ZNF804A: variants seen among roughly 807,000 people sequenced by gnomAD.
The protein encoded by ZNF804A is zinc finger protein 804A.
In ZNF804A, 2 loss-of-function variants were observed where a neutral mutation model predicts 16.5. That is an observed-to-expected ratio of 0.12 (90% CI 0.05 to 0.38). The LOEUF (loss-of-function observed/expected upper bound fraction) is 0.38. ZNF804A is among the 10% of genes least tolerant of loss of function. ZNF804A has a pLI of 0.99. For synonymous variants in ZNF804A, 534 were observed against 489.6 expected (o/e 1.09, Z -1.20); for missense variants, 1,473 against 1,390.7 (o/e 1.06, Z -0.94).
intron 1 of ZNF804A, among the ~76,000 whole-genome samples, chr2:184,649,513 T>C: frequency 6.6e-6 from 1 of 152,038 alleles, no homozygotes; most frequent in East Asian, 1.9e-4. Context: ...ATAAACAAGA[T>C]TGATAGACTA....
chr2:184,631,507 G>C (rs977434604), intron 1 of ZNF804A, among the ~76,000 whole-genome samples: 16 of 151,978 alleles, frequency 1.1e-4, no homozygotes, highest in African/African-American at 3.9e-4. Flanking sequence ...TATTTAATTA[G>C]GTTTATTTAA....
intron 1 of ZNF804A, among the ~76,000 whole-genome samples, chr2:184,833,711 T>C (rs945686625): frequency 2.0e-5 from 3 of 152,064 alleles, no homozygotes. Flanking sequence ...AAAGAGGGAA[T>C]GTAATTCTCA....
chr2:184,660,487 C>T (rs1396771935), intron 1 of ZNF804A, among the ~76,000 whole-genome samples: 1 of 152,180 alleles, frequency 6.6e-6, no homozygotes, highest in African/African-American at 2.4e-5. Context: ...ACTTTGCATG[C>T]ACCCCACCAC....
At chr2:184,796,931 G>T (rs1333827942) in intron 1 of ZNF804A, among the ~76,000 whole-genome samples, 1 of 152,034 alleles carries the variant, frequency 6.6e-6, no homozygotes, top group East Asian at 1.9e-4. Flanking sequence ...ATACTTCCAT[G>T]GTTTTGAATA....
intron 1 of ZNF804A, among the ~76,000 whole-genome samples, chr2:184,853,819 T>C (rs1051618737): frequency 7.8e-6 from 1 of 127,532 alleles, no homozygotes; most frequent in African/African-American, 4.1e-5. Context: ...TGAGGATTTT[T>C]CCACCAAAAA....
In ZNF804A at chr2:184,854,747, A is replaced by G. The variant is rs369758039; in HGVS notation, c.112-11622A>G. On this transcript the variant is annotated intron_variant, in intron 1 of 3. Coordinates refer to ENST00000302277, the MANE Select transcript of ZNF804A (RefSeq NM_194250.2). ...TCAACAGAAGTTAATGATAAATAGT[A>G]AAACACTTTATAAAGCTAAAATGAA... Among the ~76,000 whole-genome samples the G allele has an allele frequency of 3.6e-4, 55 of 152,148 alleles. No homozygotes were observed. The Middle Eastern group carries it at 0.01, about 28-fold the overall frequency.
At chr2:184,821,413 C>A (rs562062679) in intron 1 of ZNF804A, among the ~76,000 whole-genome samples, 2 of 151,814 alleles carry the variant, frequency 1.3e-5, no homozygotes, top group Non-Finnish European at 2.9e-5. Context: ...AAAAATTAAC[C>A]CAAGGTGGAT....
intron 1 of ZNF804A, among the ~76,000 whole-genome samples, chr2:184,782,910 C>A (rs964076061): frequency 4.0e-5 from 6 of 150,062 alleles, no homozygotes; most frequent in African/African-American, 1.2e-4. Flanking sequence ...GATAACTATT[C>A]CAGGAGAGTA....
chr2:184,764,305 T>C (rs754138282), intron 1 of ZNF804A, among the ~76,000 whole-genome samples: 1 of 152,180 alleles, frequency 6.6e-6, no homozygotes, highest in Non-Finnish European at 1.5e-5. Flanking sequence ...GATTAGGTGG[T>C]CATTAATTTT....
At chr2:184,790,224 T>A (rs112747796) in intron 1 of ZNF804A, among the ~76,000 whole-genome samples, 3 of 151,888 alleles carry the variant, frequency 2.0e-5, no homozygotes, top group Admixed American at 6.6e-5. Context: ...TGCTTTTTTG[T>A]TTTTTTGTTT....
chr2:184,871,944 A>T (rs1695982589), intron 2 of ZNF804A, among the ~76,000 whole-genome samples: 1 of 152,076 alleles, frequency 6.6e-6, no homozygotes, highest in Non-Finnish European at 1.5e-5. Flanking sequence ...AACAGAATAG[A>T]GCAATCTAGA....
chr2:184,627,870 C>A (rs1363493736), intron 1 of ZNF804A, among the ~76,000 whole-genome samples: 1 of 152,000 alleles, frequency 6.6e-6, no homozygotes, highest in Non-Finnish European at 1.5e-5. Context: ...AATATGGGTG[C>A]CTTGAATTTC....
chr2:184,786,300 G>A (rs1227600358), intron 1 of ZNF804A, among the ~76,000 whole-genome samples: 1 of 150,440 alleles, frequency 6.6e-6, no homozygotes, highest in Non-Finnish European at 1.5e-5. Context: ...GTGTTCTTCT[G>A]TTTTTTCAGC....
intron 1 of ZNF804A, among the ~76,000 whole-genome samples, chr2:184,732,571 G>T (rs1319064671): frequency 2.0e-5 from 3 of 151,944 alleles, no homozygotes; most frequent in East Asian, 3.9e-4. Context: ...AAAATAACTT[G>T]CAGATATTTT....
chr2:184,763,809 A>AT (rs1466385639), intron 1 of ZNF804A, among the ~76,000 whole-genome samples: 6 of 151,080 alleles, frequency 4.0e-5, no homozygotes. Flanking sequence ...CGCCCGGCTA[A>AT]TTTTTTGTAT....
chr2:184,621,903 C>T (rs1691427284), intron 1 of ZNF804A, among the ~76,000 whole-genome samples: 1 of 151,758 alleles, frequency 6.6e-6, no homozygotes, highest in South Asian at 2.1e-4. Context: ...CTGCAATCTG[C>T]AATGAAAACA....
intron 1 of ZNF804A, among the ~76,000 whole-genome samples, chr2:184,844,132 A>G (rs2105801070): frequency 6.6e-6 from 1 of 152,124 alleles, no homozygotes; most frequent in Admixed American, 6.5e-5. Context: ...ATAATAGTTC[A>G]TATGTAGTGT....
At chr2:184,780,117 A>T (rs893104539) in intron 1 of ZNF804A, among the ~76,000 whole-genome samples, 3 of 151,820 alleles carry the variant, frequency 2.0e-5, no homozygotes, top group Non-Finnish European at 2.9e-5. Flanking sequence ...TATAAAGTCT[A>T]CCTAATACTG....
chr2:184,760,148 A>G (rs1694019858), intron 1 of ZNF804A, among the ~76,000 whole-genome samples: 1 of 152,078 alleles, frequency 6.6e-6, no homozygotes, highest in African/African-American at 2.4e-5. Flanking sequence ...CAGTTACTTC[A>G]GGCCATCTGG....
Sources: gnomAD v4.1 joint callset for allele counts (sites outside exome capture counted in the v4.1 genomes callset) on GRCh38, gnomAD v4.1.1 for gene constraint, MANE v1.5 for transcripts, NCBI Gene and HGNC (gene_info 2026-07-23, HGNC 2026-07-21) for gene names.